The following FUT8 variants were observed in gnomAD, a reference collection of about 807,000 sequenced individuals.
FUT8 encodes the protein alpha-(1,6)-fucosyltransferase.
A neutral mutation model predicts 71.3 loss-of-function variants in FUT8; 29 were observed. The ratio of observed to expected loss-of-function variants is 0.41; its 90% CI spans 0.30 to 0.55. The LOEUF (loss-of-function observed/expected upper bound fraction) is 0.55. Among genes scored for constraint, FUT8 ranks in the 20% least tolerant of loss-of-function variants. The pLI is 0.34. For synonymous variants in FUT8, 254 were observed against 239.3 expected, an observed-to-expected ratio of 1.06 and a Z score of -0.57; for missense variants, 544 against 702.1, an observed-to-expected ratio of 0.77 and a Z score of 2.55.
At chr14:65,453,055 A>G (rs2065850440) in intron 1 of FUT8, among the ~76,000 whole-genome samples, 1 of 151,828 alleles carries the variant, frequency 6.6e-6, no homozygotes. Context: ...CTGCTAGTTA[A>G]TTAATTGATG....
At chr14:65,527,964 G>A (rs995949146) in intron 2 of FUT8, among the ~76,000 whole-genome samples, 1 of 152,212 alleles carries the variant, frequency 6.6e-6, no homozygotes, top group South Asian at 2.1e-4. Context: ...CCCCTACTGG[G>A]GGGTGCCTCC....
chr14:65,719,483 C>T lies in FUT8; in HGVS notation c.836-2292C>T, dbSNP rs112874131. 1.3e-3 allele frequency among the ~76,000 whole-genome samples: 197 copies of T among 152,122 alleles called. 1 individual carries two copies. Among genetic ancestry groups the T allele is most frequent in the African/African-American group, 4.5e-3 (187 of 41,496 alleles). On this transcript the variant is annotated intron_variant, in intron 7 of 10. Transcript: ENST00000673929. ...GCCTTATTTAGTTTGTTTTTCAAGG[C>T]CATGTTTTCCTGGATGGTCTTGATG...
Position 65,474,441 on chromosome 14 carries a change from GA to G in FUT8, c.-228+18739del, listed in dbSNP as rs398025445. Among the ~76,000 whole-genome samples, 212 of 39,684 alleles carry G rather than the reference GA, an allele frequency of 5.3e-3. 21 individuals carry two copies. Among genetic ancestry groups the G allele is most frequent in the African/African-American group, 0.017 (166 of 9,754 alleles). The allele number at this position is 39,684 out of a possible 152,430, so 26.0% of individuals were successfully genotyped here. A position where few individuals can be genotyped will look rare whatever the true frequency, so the allele number is the denominator to read the frequency against. ...AACATGGTGAAAACCTGTCTCTACTGAAAAAAAAAAAAAAAAGCCAGGCGTG... is the reference window on the plus strand; with the variant it reads ...AACATGGTGAAAACCTGTCTCTACTGAAAAAAAAAAAAAAAGCCAGGCGTG... On this transcript the variant is annotated intron_variant, in intron 2 of 10. Coordinates refer to ENST00000673929, the MANE Select transcript of FUT8 (RefSeq NM_001371533.1).
intron 6 of FUT8, among the ~76,000 whole-genome samples, chr14:65,633,190 C>G (rs1426482274): frequency 6.6e-6 from 1 of 152,028 alleles, no homozygotes; most frequent in Non-Finnish European, 1.5e-5. Flanking sequence ...GACTGGTTTT[C>G]GTATTTTTTT....
rs575607131 is a variant in FUT8, at chr14:65,660,718, T to C, written c.598-8525T>C. Among the ~76,000 whole-genome samples, 1 of 152,326 alleles carries C rather than the reference T, an allele frequency of 6.6e-6. No homozygotes were observed. Among genetic ancestry groups the C allele is most frequent in the Non-Finnish European group, 1.5e-5 (1 of 68,020 alleles). ...GCTATGGAAATATTCTTGTTTAATA[T>C]GTTAAGGGACAATAATTTCTGGTCT... On this transcript the variant is annotated intron_variant, in intron 6 of 10. Transcript: ENST00000673929. This position sits in a 1 kb window ranked among gnomAD's most constrained non-coding sequence, Gnocchi z 4.1.
intron 6 of FUT8, among the ~76,000 whole-genome samples, chr14:65,663,102 A>G (rs1393076441): frequency 6.6e-6 from 1 of 152,134 alleles, no homozygotes; most frequent in Non-Finnish European, 1.5e-5. Context: ...TATCTTGCTC[A>G]TGGATATGAC....
intron 1 of FUT8, among the ~76,000 whole-genome samples, chr14:65,436,095 T>TACC (rs1353585823): frequency 6.6e-6 from 1 of 151,952 alleles, no homozygotes; most frequent in East Asian, 1.9e-4. Flanking sequence ...CATGTCTGGC[T>TACC]AGTTTTTAAT....
intron 3 of FUT8, among the ~76,000 whole-genome samples, chr14:65,573,879 C>A (rs187144296): frequency 6.6e-6 from 1 of 152,176 alleles, no homozygotes; most frequent in Admixed American, 6.5e-5. Flanking sequence ...ATTTAGTTAT[C>A]TTTTGCTGTT....
the FUT8 span, among the ~76,000 whole-genome samples, chr14:65,372,425 T>C: frequency 2.0e-5 from 3 of 152,120 alleles, no homozygotes; most frequent in Admixed American, 1.3e-4. Flanking sequence ...TCTTTTTTTT[T>C]TTTCTTTTGG....
At chr14:65,373,954 A>G in the FUT8 span, among the ~76,000 whole-genome samples, 100 of 152,302 alleles carry the variant, frequency 6.6e-4, no homozygotes, top group African/African-American at 2.2e-3. Flanking sequence ...AGAGGAGAAG[A>G]ACCGGAAGAG....
intron 7 of FUT8, among the ~76,000 whole-genome samples, chr14:65,692,499 G>C (rs1254119207): frequency 1.5e-5 from 1 of 66,032 alleles, no homozygotes; most frequent in Non-Finnish European, 3.9e-5. Context: ...CTGGCCGGGC[G>C]GGGGGCTGAC....
chr14:65,576,246 T>C (rs1039888741), intron 3 of FUT8, among the ~76,000 whole-genome samples: 1 of 152,168 alleles, frequency 6.6e-6, no homozygotes, highest in Non-Finnish European at 1.5e-5. Context: ...CATTTTTAAA[T>C]GGTTGGATCA....
intron 1 of FUT8, among the ~76,000 whole-genome samples, chr14:65,453,945 A>T (rs28582697): frequency 6.6e-6 from 1 of 152,030 alleles, no homozygotes; most frequent in Non-Finnish European, 1.5e-5. Context: ...CCTCTTGGCA[A>T]TGGTGTCTAG....
Position 65,660,243 on chromosome 14 carries a change from A to G in FUT8, c.598-9000A>G, listed in dbSNP as rs1891893773. On this transcript the variant is annotated intron_variant, in intron 6 of 10. Coordinates refer to ENST00000673929, the MANE Select transcript of FUT8 (RefSeq NM_001371533.1). This position sits in a 1 kb window ranked among gnomAD's most constrained non-coding sequence, Gnocchi z 4.1. ...ACCACCTGGAACTCCCAGAGGTAAC[A>G]GAATACTGTCTTGAAAGCCTCAGTG... 1.3e-5 allele frequency among the ~76,000 whole-genome samples: 2 copies of G among 152,172 alleles called. No individual in the cohort carries two copies. The highest frequency in any genetic ancestry group is 6.5e-5 in the Admixed American group (1 of 15,280).
chr14:65,606,685 GT>G (rs1409920006), intron 3 of FUT8, among the ~76,000 whole-genome samples: 1 of 151,704 alleles, frequency 6.6e-6, no homozygotes, highest in East Asian at 1.9e-4. Flanking sequence ...ATACTACACT[GT>G]TTCCATTAGT....
chr14:65,648,388 C>T (rs1594857409), intron 6 of FUT8, among the ~76,000 whole-genome samples: 1 of 152,236 alleles, frequency 6.6e-6, no homozygotes, highest in East Asian at 1.9e-4. Flanking sequence ...TGAGCATATG[C>T]CTTTGTCTGC....
intron 1 of FUT8, among the ~76,000 whole-genome samples, chr14:65,449,850 G>A (rs1313890766): frequency 2.6e-5 from 4 of 152,324 alleles, no homozygotes; most frequent in African/African-American, 9.6e-5. Context: ...AGGACCATCA[G>A]TGTTACAAGA....
At chr14:65,468,427 T>A (rs1445876361) in intron 2 of FUT8, 3 of 388,404 alleles carry the variant, frequency 7.7e-6, no homozygotes, top group Admixed American at 3.5e-5. Flanking sequence ...ATATTTCACT[T>A]CACTCTTTTT....
intron 2 of FUT8, among the ~76,000 whole-genome samples, chr14:65,538,085 C>A (rs1042315506): frequency 6.6e-6 from 1 of 152,160 alleles, no homozygotes; most frequent in African/African-American, 2.4e-5. Flanking sequence ...CCCCTAGGGC[C>A]AAAGTCTCCT....
Sources: gnomAD v4.1 joint callset for allele counts (sites outside exome capture counted in the v4.1 genomes callset) on GRCh38, gnomAD v4.1.1 for gene constraint, Gnocchi (gnomAD v3.1) non-coding constraint, MANE v1.5 for transcripts, NCBI Gene and HGNC (gene_info 2026-07-23, HGNC 2026-07-21) for gene names.